The following MAD1L1 variants were observed in gnomAD, a reference collection of about 807,000 sequenced individuals.
MAD1L1 encodes mitotic spindle assembly checkpoint protein MAD1.
In MAD1L1, 95 loss-of-function variants were observed where a neutral mutation model predicts 96.9. That is an observed-to-expected ratio of 0.98 (90% CI 0.83 to 1.16). MAD1L1 has a LOEUF of 1.16. MAD1L1 is among the 50% of genes most tolerant of loss of function. The pLI, the probability that MAD1L1 is intolerant of heterozygous loss-of-function variation, is 0.00. For synonymous variants in MAD1L1, 473 were observed against 396.6 expected, an observed-to-expected ratio of 1.19 and a Z score of -2.29; for missense variants, 1,007 against 954.4, an observed-to-expected ratio of 1.06 and a Z score of -0.73.
intron 10 of MAD1L1, chr7:2,210,001 G>A (rs781233544): frequency 8.5e-5 from 13 of 152,238 alleles, no homozygotes; most frequent in South Asian, 2.1e-4. Flanking sequence ...TGCCAGACAC[G>A]GGAAATTCCT....
chr7:1,908,580 C>T (rs1359508326), intron 17 of MAD1L1, among the ~76,000 whole-genome samples: 1 of 152,132 alleles, frequency 6.6e-6, no homozygotes, highest in Non-Finnish European at 1.5e-5. Flanking sequence ...TTCTATGTTG[C>T]CCAGGCTGTT....
chr7:1,988,873 A>G (rs561744577), intron 14 of MAD1L1, among the ~76,000 whole-genome samples: 1 of 152,318 alleles, frequency 6.6e-6, no homozygotes, highest in South Asian at 2.1e-4. Context: ...AGGCAGGGCC[A>G]CGTGTGCCTG....
chr7:1,849,069 CACACAAAT>C (rs1562454263), intron 18 of MAD1L1: 1 of 80,300 alleles, frequency 1.2e-5, no homozygotes. Context: ...CACACACACA[CACACAAAT>C]GCACATGCAC....
chr7:2,200,344 T>G (rs1441914562), intron 10 of MAD1L1: 1 of 152,462 alleles, frequency 6.6e-6, no homozygotes, highest in Non-Finnish European at 1.5e-5. Context: ...CCGGATCTTG[T>G]TCTCCACTGG....
chr7:1,956,650 C>A (rs1779741320), intron 16 of MAD1L1, among the ~76,000 whole-genome samples: 1 of 152,224 alleles, frequency 6.6e-6, no homozygotes, highest in Non-Finnish European at 1.5e-5. Flanking sequence ...GCCAGCCACT[C>A]CTCATGCCAA....
At chr7:2,149,050 A>G in intron 11 of MAD1L1, 102 bp downstream of exon 11, 3 of 998,568 alleles carry the variant, frequency 3.0e-6, no homozygotes, top group Non-Finnish European at 4.7e-6. Context: ...CACATGATGA[A>G]GGACAGCCAT....
intron 16 of MAD1L1, chr7:1,940,425 A>G (rs1025883582): frequency 6.6e-6 from 1 of 152,274 alleles, no homozygotes; most frequent in Non-Finnish European, 1.5e-5. Context: ...GGGTTAAGAT[A>G]ACCCAGTATG....
chr7:1,875,977 G>A (rs1785366963), intron 18 of MAD1L1, among the ~76,000 whole-genome samples: 1 of 152,226 alleles, frequency 6.6e-6, no homozygotes, highest in Non-Finnish European at 1.5e-5. Flanking sequence ...CAAGCCGGGA[G>A]GAGAGTCCTC....
intron 13 of MAD1L1, among the ~76,000 whole-genome samples, chr7:2,004,480 A>G (rs191648776): frequency 6.6e-6 from 1 of 152,260 alleles, no homozygotes; most frequent in Non-Finnish European, 1.5e-5. Flanking sequence ...AAGGCACTTT[A>G]CAGGAGCAGC....
intron 12 of MAD1L1, among the ~76,000 whole-genome samples, chr7:2,061,390 G>A (rs988766089): frequency 2.0e-5 from 3 of 152,026 alleles, no homozygotes; most frequent in South Asian, 4.2e-4. Flanking sequence ...AGCCCAAAGG[G>A]GTAGGAACAG....
At chr7:2,121,786 AG>A (rs545821812) in intron 11 of MAD1L1, among the ~76,000 whole-genome samples, 110 of 152,118 alleles carry the variant, frequency 7.2e-4, no homozygotes, top group African/African-American at 2.5e-3. Flanking sequence ...CAGGCCTGTG[AG>A]GTCTGTCTCA....
At chr7:1,971,492 G>T (rs868197363) in intron 15 of MAD1L1, among the ~76,000 whole-genome samples, 1 of 152,254 alleles carries the variant, frequency 6.6e-6, no homozygotes, top group Non-Finnish European at 1.5e-5. Context: ...AAGTGTTTAT[G>T]TTATAATATA....
intron 15 of MAD1L1, among the ~76,000 whole-genome samples, chr7:1,972,048 CAACT>C (rs1039756690): frequency 1.3e-5 from 2 of 152,306 alleles, no homozygotes; most frequent in Admixed American, 6.5e-5. Flanking sequence ...AAAAACGGGA[CAACT>C]AACATGGGTA....
intron 12 of MAD1L1, among the ~76,000 whole-genome samples, chr7:2,057,278 C>T (rs1784422821): frequency 6.6e-6 from 1 of 152,238 alleles, no homozygotes. Context: ...GTAATCCCAG[C>T]ACGTCGGGAA....
chr7:1,905,788 A>C (rs1363116306), intron 17 of MAD1L1, among the ~76,000 whole-genome samples: 2 of 152,122 alleles, frequency 1.3e-5, no homozygotes, highest in East Asian at 3.9e-4. Context: ...AGTGGCTCAC[A>C]CCTGTAATCC....
rs866777489 is a variant in MAD1L1 at position 1,878,731 on chromosome 7, T to C, written c.1998+19469A>G. 5.0e-3 allele frequency among the ~76,000 whole-genome samples: 643 copies of C among 128,918 alleles called. 7 individuals carry two copies. The highest frequency in any genetic ancestry group is 0.017 in the African/African-American group (585 of 34,406). The allele number at this position is 128,918 out of a possible 152,430, so 84.6% of individuals were successfully genotyped here. ...TAGCATCAGAAACAAGGTAAAAATG[T>C]CCCCCCCCCCCCATTCTTATTCAGC... On this transcript the variant is annotated intron_variant, in intron 18 of 18. Coordinates refer to ENST00000265854, the MANE Select transcript of MAD1L1 (RefSeq NM_001013836.2).
Position 2,219,341 on chromosome 7 carries a change from A to C in MAD1L1, c.587T>G (p.Leu196Arg), listed in dbSNP as rs1309356127. ...CCCTGGCCCCGCCCACTTGTGTTGC[A>C]GGTCCAGCTGCTCCTGCAGCTCCTG... is the stretch of plus-strand genomic sequence containing the variant. ...EKQELQEQLD[L>R]QHKKCQEANQ... The change falls in exon 6 of 19, where the codon CTG becomes CGG. Residue 196 changes from leucine (L) to arginine (R), a missense_variant. Coordinates refer to ENST00000265854, the MANE Select transcript of MAD1L1 (RefSeq NM_001013836.2). 1.9e-6 allele frequency: 3 copies of C among 1,576,288 alleles called. No individual in the cohort carries two copies. The highest frequency in any genetic ancestry group is 2.6e-6 in the Non-Finnish European group (3 of 1,160,552).
intron 16 of MAD1L1, among the ~76,000 whole-genome samples, chr7:1,939,003 A>ACG (rs1778790422): frequency 1.5e-5 from 2 of 129,102 alleles, no homozygotes; most frequent in African/African-American, 5.7e-5. Flanking sequence ...ACACACGCAC[A>ACG]CACACACACA....
At chr7:2,193,351 T>C (rs1200101171) in intron 10 of MAD1L1, 1 of 152,590 alleles carries the variant, frequency 6.6e-6, no homozygotes, top group African/African-American at 2.4e-5. Flanking sequence ...GGACGGTCCT[T>C]GTCCTAGAAC....
Sources: gnomAD v4.1 joint callset for allele counts (sites outside exome capture counted in the v4.1 genomes callset) on GRCh38, gnomAD v4.1.1 for gene constraint, MANE v1.5 for transcripts, NCBI Gene and HGNC (gene_info 2026-07-23, HGNC 2026-07-21) for gene names.